CIROZ: variants seen among roughly 807,000 people sequenced by gnomAD.
CIROZ encodes the protein ciliated left-right organizer protein containing ZP-N domains, also known as ciliated left-right organizer ZP-N domains-containing protein.
At chr1:10,975,226 C>T in the CIROZ span, among the ~76,000 whole-genome samples, 14 of 151,848 alleles carry the variant, frequency 9.2e-5, no homozygotes, top group South Asian at 2.5e-3. Context: ...GCTAACATGG[C>T]GAAACCCCGT....
At chr1:10,975,420 A>C in the CIROZ span, among the ~76,000 whole-genome samples, 3 of 150,498 alleles carry the variant, frequency 2.0e-5, no homozygotes, top group South Asian at 2.1e-4. Flanking sequence ...AAAAAAAAAA[A>C]AAAAAAAAAA....
chr1:10,977,986 T>C, the CIROZ span, among the ~76,000 whole-genome samples: 1 of 151,870 alleles, frequency 6.6e-6, no homozygotes, highest in Non-Finnish European at 1.5e-5. Context: ...CTGGTCAACA[T>C]GGCAAAACCT....
the CIROZ span, among the ~76,000 whole-genome samples, chr1:10,951,103 C>T: frequency 1.3e-5 from 2 of 152,162 alleles, no homozygotes; most frequent in East Asian, 1.9e-4. Flanking sequence ...CCCCGTCCCA[C>T]CCCGAGAGGC....
At chr1:10,980,625 G>A in the CIROZ span, among the ~76,000 whole-genome samples, 1 of 152,248 alleles carries the variant, frequency 6.6e-6, no homozygotes, top group East Asian at 1.9e-4. Flanking sequence ...CCTTGCCAGG[G>A]ACCCCGACTC....
chr1:10,959,226 C>A, the CIROZ span, among the ~76,000 whole-genome samples: 14 of 152,330 alleles, frequency 9.2e-5, no homozygotes, highest in African/African-American at 3.1e-4. This position sits in a 1 kb window ranked among gnomAD's most constrained non-coding sequence, Gnocchi z 4.3. Flanking sequence ...TGGCACCATT[C>A]TTAGGGGCAC....
At chr1:10,951,154 C>G in the CIROZ span, among the ~76,000 whole-genome samples, 1 of 152,178 alleles carries the variant, frequency 6.6e-6, no homozygotes, top group African/African-American at 2.4e-5. Flanking sequence ...TGAAAACAGG[C>G]CGGGCACAGT....
At chr1:10,948,986 A>C in the CIROZ span, 3 of 740,176 alleles carry the variant, frequency 4.1e-6, no homozygotes, top group Non-Finnish European at 5.8e-6. Flanking sequence ...ACACAATAGG[A>C]GGCCAAGGCG....
At chr1:10,966,040 C>G in the CIROZ span, among the ~76,000 whole-genome samples, 5 of 152,108 alleles carry the variant, frequency 3.3e-5, no homozygotes, top group African/African-American at 1.2e-4. Context: ...TGCCTCACCC[C>G]AGAGACTCCA....
chr1:10,969,421 G>T, the CIROZ span, among the ~76,000 whole-genome samples: 62,427 of 152,000 alleles, frequency 0.41, 18,822 homozygotes, highest in African/African-American at 0.84. Flanking sequence ...GCCCCTTGTT[G>T]TTTGCTATTT....
At chr1:10,973,514 T>C in the CIROZ span, among the ~76,000 whole-genome samples, 6 of 152,282 alleles carry the variant, frequency 3.9e-5, no homozygotes, top group Non-Finnish European at 5.9e-5. Context: ...ATACTCTGTA[T>C]GTATTGTCAC....
At chr1:10,972,420 T>TACAAACACACACAC in the CIROZ span, among the ~76,000 whole-genome samples, 5 of 131,806 alleles carry the variant, frequency 3.8e-5, no homozygotes, top group African/African-American at 1.5e-4. Context: ...GTCTCTGAAA[T>TACAAACACACACAC]ACACACACAC....
the CIROZ span, among the ~76,000 whole-genome samples, chr1:10,980,684 G>T: frequency 1.3e-5 from 2 of 152,218 alleles, no homozygotes; most frequent in Non-Finnish European, 2.9e-5. Context: ...TGGCAGGTGG[G>T]GGGTAGACAG....
At chr1:10,957,547 C>T in the CIROZ span, 4 of 1,578,956 alleles carry the variant, frequency 2.5e-6, no homozygotes, top group South Asian at 4.7e-5. Context: ...GGGGTGGCAA[C>T]CTGCTCTTCT....
the CIROZ span, among the ~76,000 whole-genome samples, chr1:10,951,355 A>C: frequency 6.6e-6 from 1 of 152,096 alleles, no homozygotes; most frequent in Non-Finnish European, 1.5e-5. Flanking sequence ...ACCTGAGGTC[A>C]GGAGTTTAAG....
At chr1:10,951,981 A>G in the CIROZ span, among the ~76,000 whole-genome samples, 1 of 152,074 alleles carries the variant, frequency 6.6e-6, no homozygotes, top group Non-Finnish European at 1.5e-5. Flanking sequence ...TCACATATTT[A>G]CAAAAGAAAA....
chr1:10,950,491 G>A, the CIROZ span, among the ~76,000 whole-genome samples: 1 of 152,210 alleles, frequency 6.6e-6, no homozygotes, highest in East Asian at 1.9e-4. Flanking sequence ...GAACCACAGA[G>A]AACCGGAGAG....
At chr1:10,947,846 C>G in the CIROZ span, 1 of 1,602,138 alleles carries the variant, frequency 6.2e-7, no homozygotes, top group Non-Finnish European at 8.5e-7. Context: ...TGGGAGCCCA[C>G]AGGCTCAGGG....
At chr1:10,957,133 G>C in the CIROZ span, 1 of 1,536,436 alleles carries the variant, frequency 6.5e-7, no homozygotes, top group Non-Finnish European at 8.8e-7. Flanking sequence ...GGTCCCCCCT[G>C]AGGTCTCCAA....
At chr1:10,960,611 T>G in the CIROZ span, among the ~76,000 whole-genome samples, 2 of 152,204 alleles carry the variant, frequency 1.3e-5, no homozygotes, top group South Asian at 4.1e-4. The surrounding 1 kb of genome is among the most constrained non-coding windows in gnomAD (Gnocchi z 4.6). Context: ...GGGCAATGAA[T>G]AGTTATTGCG....
Sources: allele counts gnomAD v4.1 joint callset (sites outside exome capture counted in the v4.1 genomes callset), GRCh38; gene constraint gnomAD v4.1.1; non-coding constraint Gnocchi (gnomAD v3.1); transcripts MANE v1.5; gene names NCBI Gene and HGNC (gene_info 2026-07-23, HGNC 2026-07-21).